The following CACNA2D3 variants were observed in gnomAD, a reference collection of about 807,000 sequenced individuals.
The protein encoded by CACNA2D3 is voltage-dependent calcium channel subunit alpha-2/delta-3.
Under a neutral mutation model 160.6 loss-of-function variants are expected in CACNA2D3, and 60 were observed. The observed-to-expected ratio is 0.37, with a 90% CI of 0.30 to 0.46. The LOEUF is 0.46. CACNA2D3 is among the 20% of genes least tolerant of loss of function. CACNA2D3 has a pLI of 1.00. For missense variants in CACNA2D3, 1,205 were observed against 1,365.0 expected, an observed-to-expected ratio of 0.88 and a Z score of 1.85; for synonymous variants, 558 against 492.9, an observed-to-expected ratio of 1.13 and a Z score of -1.75.
intron 35 of CACNA2D3, among the ~76,000 whole-genome samples, chr3:55,050,399 A>G (rs1212332081): frequency 2.0e-5 from 3 of 151,480 alleles, no homozygotes; most frequent in Non-Finnish European, 4.4e-5. Context: ...CTGGGTTGAA[A>G]ATTCTTTTCT....
intron 27 of CACNA2D3, among the ~76,000 whole-genome samples, chr3:54,937,393 A>C (rs946568640): frequency 6.6e-6 from 1 of 152,236 alleles, no homozygotes; most frequent in Admixed American, 6.5e-5. Flanking sequence ...GATTGGTTCC[A>C]GCAATCTGTG....
At chr3:54,951,148 G>T (rs58671100) in intron 27 of CACNA2D3, among the ~76,000 whole-genome samples, 12,671 of 152,174 alleles carry the variant, frequency 0.083, 1,516 homozygotes, top group African/African-American at 0.26. Context: ...TAGGAAAATA[G>T]ATATTGTAAT....
At chr3:54,800,219 C>T (rs573595005) in intron 13 of CACNA2D3, among the ~76,000 whole-genome samples, 1 of 152,308 alleles carries the variant, frequency 6.6e-6, no homozygotes, top group East Asian at 1.9e-4. Flanking sequence ...TTAATCTACA[C>T]TGCCGCCTTC....
In CACNA2D3 at chr3:54,736,109, G is replaced by GTATGTA. The variant is rs1429724630; in HGVS notation, c.1168-16487_1168-16486insGTATAT. ...TATGTGTATATATATACATATATAT[G>GTATGTA]TATATATATACATATATATATGTAT... On this transcript the variant is annotated intron_variant, in intron 11 of 37. Transcript: ENST00000474759. Among the ~76,000 whole-genome samples the GTATGTA allele has an allele frequency of 4.0e-3, 80 of 20,054 alleles. 4 individuals carry two copies. The highest frequency in any genetic ancestry group is 6.0e-3 in the African/African-American group (40 of 6,676). The allele number at this position is 20,054 out of a possible 152,430, so 13.2% of individuals were successfully genotyped here.
At chr3:54,796,318 CAGGGGGCTTTCTGTG>C (rs1245554918) in intron 13 of CACNA2D3, among the ~76,000 whole-genome samples, 2 of 152,102 alleles carry the variant, frequency 1.3e-5, no homozygotes, top group African/African-American at 4.8e-5. Context: ...CTAGAGTTCT[CAGGGGGCTTTCTGTG>C]AGCATGCATA....
At chr3:55,010,020 A>C (rs983553671) in intron 34 of CACNA2D3, among the ~76,000 whole-genome samples, 23 of 152,192 alleles carry the variant, frequency 1.5e-4, no homozygotes, top group African/African-American at 5.5e-4. Context: ...TGCTAAGCAC[A>C]ATGGGGAAAA....
chr3:54,968,568 C>A (rs2107067390), intron 28 of CACNA2D3, 57 bp downstream of exon 28: 1 of 1,307,046 alleles, frequency 7.7e-7, no homozygotes, highest in Non-Finnish European at 1.1e-6. Context: ...ACAGGTGTTC[C>A]CATTTGGGTA....
chr3:54,671,257 C>G (rs1321429216), intron 11 of CACNA2D3, among the ~76,000 whole-genome samples: 4 of 151,596 alleles, frequency 2.6e-5, no homozygotes, highest in Non-Finnish European at 5.9e-5. Flanking sequence ...GTCAAAGAAA[C>G]TGTCTGATTG....
intron 3 of CACNA2D3, among the ~76,000 whole-genome samples, chr3:54,369,416 C>T (rs948258166): frequency 2.6e-5 from 4 of 152,124 alleles, no homozygotes; most frequent in East Asian, 1.9e-4. Flanking sequence ...AAGTGACTGC[C>T]GGCGGGCCTG....
In CACNA2D3 at chr3:54,136,955, T is replaced by C. The variant is rs149760110; in HGVS notation, c.204+13361T>C. Among the ~76,000 whole-genome samples, 480 of 152,324 alleles carry C rather than the reference T, an allele frequency of 3.2e-3. 3 individuals carry two copies. The highest frequency in any genetic ancestry group is 5.4e-3 in the South Asian group (26 of 4,824). On this transcript the variant is annotated intron_variant, in intron 2 of 37. Coordinates refer to ENST00000474759, the MANE Select transcript of CACNA2D3 (RefSeq NM_018398.3). ...CTCTGGGAAGGCTTCTGGCTTTCCC[T>C]AAAGAGACTCAGTCATTCCCTCCCT...
chr3:55,035,945 G>A (rs1379013633), intron 35 of CACNA2D3, among the ~76,000 whole-genome samples: 1 of 152,226 alleles, frequency 6.6e-6, no homozygotes, highest in East Asian at 1.9e-4. Context: ...GATAATTCAA[G>A]AGAAAGGTCT....
chr3:54,848,907 G>A (rs1479701996), intron 17 of CACNA2D3, among the ~76,000 whole-genome samples: 2 of 152,232 alleles, frequency 1.3e-5, no homozygotes, highest in Non-Finnish European at 2.9e-5. Flanking sequence ...AGAAAAGCAG[G>A]CCCCAGAATA....
intron 4 of CACNA2D3, among the ~76,000 whole-genome samples, chr3:54,468,521 G>C (rs1477730496): frequency 6.6e-6 from 1 of 152,212 alleles, no homozygotes; most frequent in Non-Finnish European, 1.5e-5. Flanking sequence ...GTCAGACACT[G>C]AGCTAGCTGC....
chr3:54,643,487 G>A (rs761923428), intron 11 of CACNA2D3, among the ~76,000 whole-genome samples: 9 of 152,154 alleles, frequency 5.9e-5, no homozygotes, highest in Non-Finnish European at 7.3e-5. Flanking sequence ...AAAAGCTGGC[G>A]GTGCTGAGCT....
chr3:54,926,670 T>C (rs1701030613), intron 27 of CACNA2D3, among the ~76,000 whole-genome samples: 1 of 152,246 alleles, frequency 6.6e-6, no homozygotes, highest in African/African-American at 2.4e-5. Context: ...CGTGGAAAGC[T>C]AATTCATTCC....
chr3:54,141,902 G>C (rs1699943117), intron 2 of CACNA2D3, among the ~76,000 whole-genome samples: 1 of 152,162 alleles, frequency 6.6e-6, no homozygotes, highest in South Asian at 2.1e-4. Flanking sequence ...TCTTGGATTA[G>C]AAGAACAAGC....
At position 54,822,790 on chromosome 3, in the gene CACNA2D3, CCTTTCTTT is replaced by C. The variant is rs71096453; in HGVS notation, c.1398+5957_1398+5964del. Reference sequence around the variant, plus strand: ...TCTTTCTTTCTTTCTTTCTTTCTTTCCTTTCTTTCTTTCTTTCTTTCTTTCTTTCTTTC... The same window carrying C: ...TCTTTCTTTCTTTCTTTCTTTCTTTCCTTTCTTTCTTTCTTTCTTTCTTTC... On this transcript the variant is annotated intron_variant, in intron 14 of 37. Coordinates refer to ENST00000474759, the MANE Select transcript of CACNA2D3 (RefSeq NM_018398.3). 5.4e-3 allele frequency among the ~76,000 whole-genome samples: 385 copies of C among 71,844 alleles called. 5 individuals carry two copies. The highest frequency in any genetic ancestry group is 0.016 in the South Asian group (30 of 1,858). The allele number at this position is 71,844 out of a possible 152,430, so 47.1% of individuals were successfully genotyped here.
intron 2 of CACNA2D3, among the ~76,000 whole-genome samples, chr3:54,151,818 G>A (rs1700156841): frequency 1.3e-5 from 2 of 152,076 alleles, no homozygotes; most frequent in South Asian, 2.1e-4. Context: ...TCTGGACTCC[G>A]TCTCCATTCC....
intron 29 of CACNA2D3, among the ~76,000 whole-genome samples, chr3:54,981,738 A>G (rs1306735707): frequency 6.6e-6 from 1 of 152,216 alleles, no homozygotes; most frequent in Non-Finnish European, 1.5e-5. Context: ...AGCAAAATAC[A>G]TGTGACAAAA....
Sources: allele counts gnomAD v4.1 joint callset (sites outside exome capture counted in the v4.1 genomes callset), GRCh38; gene constraint gnomAD v4.1.1; transcripts MANE v1.5; gene names NCBI Gene and HGNC (gene_info 2026-07-23, HGNC 2026-07-21).